Variants in OPRK1 observed in about 807,000 individuals in gnomAD.
OPRK1 encodes the protein kappa-type opioid receptor.
OPRK1 carries 15 observed loss-of-function variants against 24.5 expected under a neutral mutation model. That is an observed-to-expected ratio of 0.61 (90% CI 0.41 to 0.94). The LOEUF (loss-of-function observed/expected upper bound fraction) is 0.94. Among genes scored for constraint, OPRK1 ranks in the 40% least tolerant of loss-of-function variants. The pLI is 0.00. For synonymous variants in OPRK1, 205 were observed against 198.0 expected (o/e 1.04, Z -0.30); for missense variants, 479 against 507.3 (o/e 0.94, Z 0.54).
At chr8:53,239,846 A>G (rs187988704) in intron 2 of OPRK1, among the ~76,000 whole-genome samples, 12 of 152,314 alleles carry the variant, frequency 7.9e-5, no homozygotes, top group African/African-American at 2.6e-4. Context: ...TCTGAAGAGA[A>G]AAAGTTTGAG....
At chr8:53,238,484 G>C in intron 2 of OPRK1, 1 of 946,524 alleles carries the variant, frequency 1.1e-6, no homozygotes, top group Non-Finnish European at 1.3e-6. Flanking sequence ...GCATGGAATG[G>C]GAAGCAAGGG....
intron 2 of OPRK1, among the ~76,000 whole-genome samples, chr8:53,245,677 C>T (rs1006707300): frequency 2.0e-5 from 3 of 152,122 alleles, no homozygotes; most frequent in Non-Finnish European, 4.4e-5. Flanking sequence ...GTTATGGCCA[C>T]ACAAATGGAT....
chr8:53,250,329 T>C (rs1165653207), intron 2 of OPRK1, among the ~76,000 whole-genome samples: 1 of 152,170 alleles, frequency 6.6e-6, no homozygotes, highest in Non-Finnish European at 1.5e-5. Flanking sequence ...AAATTCGGAA[T>C]TATCTTCAGT....
At chr8:53,248,406 T>C (rs1807287539) in intron 2 of OPRK1, among the ~76,000 whole-genome samples, 1 of 152,296 alleles carries the variant, frequency 6.6e-6, no homozygotes, top group African/African-American at 2.4e-5. Flanking sequence ...TAGGAGCCTT[T>C]CCCATGTAAA....
At chr8:53,232,190 A>C (rs574623686) in intron 3 of OPRK1, among the ~76,000 whole-genome samples, 1 of 151,964 alleles carries the variant, frequency 6.6e-6, no homozygotes, top group East Asian at 1.9e-4. Context: ...AAAAAAAAAA[A>C]CCTGAACTTA....
At position 53,249,567 on chromosome 8, in the gene OPRK1, C is replaced by A. The variant is rs185905736; in HGVS notation, c.257+1214G>T. On this transcript the variant is annotated intron_variant, in intron 2 of 3. Coordinates refer to ENST00000265572, the MANE Select transcript of OPRK1 (RefSeq NM_000912.5). ...AATGAGCTTTATAATATGTGTTTGG[C>A]GACTTAAATGATGGTTTTTAATGTC... 5.2e-3 allele frequency among the ~76,000 whole-genome samples: 794 copies of A among 152,044 alleles called. 8 individuals carry two copies. Among genetic ancestry groups the A allele is most frequent in the African/African-American group, 0.018 (734 of 41,466 alleles).
chr8:53,232,605 G>A (rs1487474522), intron 3 of OPRK1, among the ~76,000 whole-genome samples: 3 of 152,086 alleles, frequency 2.0e-5, no homozygotes, highest in Admixed American at 6.6e-5. Context: ...TCTGTTTCAG[G>A]AAGAAGGGGG....
Position 53,228,822 on chromosome 8 carries a change from C to T in OPRK1, c.*475G>A, listed in dbSNP as rs1806778987. On this transcript the variant is annotated 3_prime_UTR_variant, in exon 4 of 4. Transcript: ENST00000265572. ...GCATGTCCACACAGCATACAGTGAGCTGGGCATGAACCCTGGAAATAGTTC... is the reference window on the plus strand; with the variant it reads ...GCATGTCCACACAGCATACAGTGAGTTGGGCATGAACCCTGGAAATAGTTC... The T allele has an allele frequency of 6.4e-6, 1 of 157,216 alleles. No individual in the cohort carries two copies. Among genetic ancestry groups the T allele is most frequent in the Non-Finnish European group, 1.4e-5 (1 of 71,192 alleles). The allele number at this position is 157,216 out of a possible 1,614,324, so 9.7% of individuals were successfully genotyped here. A position where few individuals can be genotyped will look rare whatever the true frequency, so the allele number is the denominator to read the frequency against.
intron 2 of OPRK1, among the ~76,000 whole-genome samples, chr8:53,237,659 A>G (rs1807025560): frequency 6.6e-6 from 1 of 152,230 alleles, no homozygotes; most frequent in South Asian, 2.1e-4. Context: ...AACTATAGGC[A>G]TAGCAGAAAT....
intron 3 of OPRK1, among the ~76,000 whole-genome samples, chr8:53,232,316 T>C (rs983608704): frequency 1.3e-5 from 2 of 152,170 alleles, no homozygotes; most frequent in East Asian, 1.9e-4. Flanking sequence ...AAAAGGATCA[T>C]GTTCAGTAGC....
At chr8:53,247,574 T>C (rs926380793) in intron 2 of OPRK1, among the ~76,000 whole-genome samples, 3 of 152,094 alleles carry the variant, frequency 2.0e-5, no homozygotes, top group Non-Finnish European at 2.9e-5. Context: ...ATGTTTGTGA[T>C]GTCAGAGGTA....
chr8:53,247,976 G>T (rs1357843129), intron 2 of OPRK1, among the ~76,000 whole-genome samples: 1 of 112,952 alleles, frequency 8.9e-6, no homozygotes, highest in Non-Finnish European at 1.6e-5. Flanking sequence ...GGGCAATAGA[G>T]CCAGATTCTG....
rs1018862645 is a variant in OPRK1 at position 53,230,085 on chromosome 8, C to T, written c.611-256G>A. ...CACAATACTGTAGAATTAAGATTAG[C>T]TGACAATCTTGCTCATCTAGTTGCA... On this transcript the variant is annotated intron_variant, in intron 3 of 3. Coordinates refer to ENST00000265572, the MANE Select transcript of OPRK1 (RefSeq NM_000912.5). Among the ~76,000 whole-genome samples the T allele has an allele frequency of 2.6e-5, 4 of 151,564 alleles. No individual in the cohort carries two copies. In the South Asian group the frequency reaches 8.4e-4, roughly 32 times the overall value.
intron 2 of OPRK1, among the ~76,000 whole-genome samples, chr8:53,238,342 G>C (rs1374411500): frequency 6.6e-6 from 1 of 152,260 alleles, no homozygotes; most frequent in Non-Finnish European, 1.5e-5. Context: ...GGAGGAGCTG[G>C]AAGTGGGCTG....
Position 53,229,726 on chromosome 8 carries a change from A to G in OPRK1, c.714T>C (p.Pro238=), listed in dbSNP as rs1343719993. 6.2e-7 allele frequency: 1 copy of G among 1,614,132 alleles called. No homozygotes were observed. The highest frequency in any genetic ancestry group is 1.7e-5 in the Admixed American group (1 of 60,010). ...ICVFIFAFVI[P]VLIIIVCYTL... is the part of the protein sequence containing the mutation. ...TGTAGCAGACGATGATGATGAGGAC[A>G]GGGATCACGAAGGCAAAGATGAAGA... Residue 238 remains proline, a synonymous_variant, in exon 4 of 4, where the codon CCT becomes CCC. Transcript: ENST00000265572.
At chr8:53,231,073 T>G (rs1806841468) in intron 3 of OPRK1, among the ~76,000 whole-genome samples, 1 of 152,124 alleles carries the variant, frequency 6.6e-6, no homozygotes, top group Non-Finnish European at 1.5e-5. Flanking sequence ...TTAGAGACCT[T>G]CATGTATCAA....
chr8:53,251,133 C>G, intron 1 of OPRK1, 48 bp from the exon 2 acceptor site: 2 of 1,405,594 alleles, frequency 1.4e-6, no homozygotes, highest in South Asian at 1.6e-5. Context: ...AAACTTTGCC[C>G]GCGCCCTGGC....
intron 3 of OPRK1, among the ~76,000 whole-genome samples, chr8:53,234,182 C>CAAA (rs546459906): frequency 0.024 from 1,596 of 65,312 alleles, 209 homozygotes; most frequent in African/African-American, 0.11. Context: ...GACTCTCTCT[C>CAAA]AAAAAAAAAA....
At chr8:53,251,189 C>G (rs971628032) in intron 1 of OPRK1, 104 bp from the exon 2 acceptor site, 1 of 1,289,352 alleles carries the variant, frequency 7.8e-7, no homozygotes, top group African/African-American at 1.6e-5. Context: ...ACCCGGGCCG[C>G]AAGTCGCCGG....
Sources: allele counts gnomAD v4.1 joint callset (sites outside exome capture counted in the v4.1 genomes callset), GRCh38; gene constraint gnomAD v4.1.1; transcripts MANE v1.5; gene names NCBI Gene and HGNC (gene_info 2026-07-23, HGNC 2026-07-21).